Variants in ARK2C observed in about 807,000 individuals in gnomAD.
ARK2C encodes the protein E3 ubiquitin-protein ligase ARK2C.
At chr18:46,360,966 C>T in the ARK2C span, among the ~76,000 whole-genome samples, 3 of 152,212 alleles carry the variant, frequency 2.0e-5, no homozygotes, top group Non-Finnish European at 2.9e-5. Context: ...AAGTGGACGT[C>T]CACAGAACAC....
chr18:46,408,257 G>A, the ARK2C span, among the ~76,000 whole-genome samples: 2 of 152,190 alleles, frequency 1.3e-5, no homozygotes, highest in African/African-American at 4.8e-5. Context: ...AGGTGTCTTA[G>A]GTCTGCTTTA....
chr18:46,355,607 T>C, the ARK2C span, among the ~76,000 whole-genome samples: 2 of 152,200 alleles, frequency 1.3e-5, no homozygotes, highest in African/African-American at 4.8e-5. Context: ...TTCCAGACAC[T>C]TGGGGACCTC....
the ARK2C span, among the ~76,000 whole-genome samples, chr18:46,369,558 G>A: frequency 6.6e-6 from 1 of 152,108 alleles, no homozygotes; most frequent in Non-Finnish European, 1.5e-5. Flanking sequence ...GTTGCTTTAG[G>A]TTTGCAGGGC....
chr18:46,386,103 T>C, the ARK2C span: 1 of 152,192 alleles, frequency 6.6e-6, no homozygotes, highest in East Asian at 1.9e-4. Flanking sequence ...TAGAAGCAAA[T>C]GCCAAGGCCC....
the ARK2C span, among the ~76,000 whole-genome samples, chr18:46,406,289 C>A: frequency 1.3e-5 from 2 of 152,206 alleles, no homozygotes; most frequent in South Asian, 4.1e-4. Flanking sequence ...CTGGATGCCC[C>A]GGGCAGGCGT....
chr18:46,336,770 T>G, the ARK2C span: 1 of 985,368 alleles, frequency 1.0e-6, no homozygotes, highest in Admixed American at 6.1e-5. Flanking sequence ...GCTTAGAGGC[T>G]GCAGCACTTC....
At chr18:46,345,168 C>T in the ARK2C span, among the ~76,000 whole-genome samples, 2 of 151,108 alleles carry the variant, frequency 1.3e-5, no homozygotes, top group Middle Eastern at 3.4e-3. Flanking sequence ...GATAGGGCAG[C>T]AAGGGACAAC....
chr18:46,384,510 A>C, the ARK2C span, among the ~76,000 whole-genome samples: 1 of 152,020 alleles, frequency 6.6e-6, no homozygotes, highest in South Asian at 2.1e-4. Context: ...TTCCTTGAAT[A>C]TTTCTCATGG....
the ARK2C span, chr18:46,460,973 A>T: frequency 1.5e-5 from 2 of 134,634 alleles, no homozygotes; most frequent in South Asian, 4.7e-4. Context: ...CGCTCCTCCC[A>T]CAACCTCAGC....
chr18:46,420,278 A>C, the ARK2C span, among the ~76,000 whole-genome samples: 1 of 152,152 alleles, frequency 6.6e-6, no homozygotes, highest in Non-Finnish European at 1.5e-5. Flanking sequence ...TGGCTTCGGG[A>C]GCCAGGCTTG....
chr18:46,339,403 TG>T, the ARK2C span, among the ~76,000 whole-genome samples: 1 of 152,232 alleles, frequency 6.6e-6, no homozygotes, highest in African/African-American at 2.4e-5. Flanking sequence ...TAGCAAGCTG[TG>T]GGTTAATGGG....
chr18:46,390,263 A>C, the ARK2C span, among the ~76,000 whole-genome samples: 2 of 152,082 alleles, frequency 1.3e-5, no homozygotes, highest in African/African-American at 4.8e-5. Flanking sequence ...AAATCACCCC[A>C]TCTTTCCAGG....
chr18:46,432,932 G>C, the ARK2C span, among the ~76,000 whole-genome samples: 4 of 152,144 alleles, frequency 2.6e-5, no homozygotes, highest in Non-Finnish European at 2.9e-5. Flanking sequence ...GCGACAGAGC[G>C]AGACTCCGTC....
chr18:46,439,177 T>C, the ARK2C span, among the ~76,000 whole-genome samples: 1 of 152,172 alleles, frequency 6.6e-6, no homozygotes, highest in African/African-American at 2.4e-5. Flanking sequence ...GGGCTCATAC[T>C]CTCATGAGCG....
chr18:46,433,322 G>C, the ARK2C span: 10 of 1,612,146 alleles, frequency 6.2e-6, no homozygotes, highest in African/African-American at 9.3e-5. Flanking sequence ...CCAGGCCTCA[G>C]CGCCCACATG....
the ARK2C span, among the ~76,000 whole-genome samples, chr18:46,413,311 G>A: frequency 6.6e-6 from 1 of 151,990 alleles, no homozygotes; most frequent in East Asian, 1.9e-4. Context: ...GACGTCCCAG[G>A]GACCCTGGGA....
the ARK2C span, among the ~76,000 whole-genome samples, chr18:46,425,279 C>T: frequency 6.6e-6 from 1 of 152,196 alleles, no homozygotes; most frequent in Non-Finnish European, 1.5e-5. Context: ...ATCCCACATC[C>T]CTGGAGCAGG....
the ARK2C span, among the ~76,000 whole-genome samples, chr18:46,403,266 G>A: frequency 1.3e-5 from 2 of 152,168 alleles, no homozygotes; most frequent in Non-Finnish European, 2.9e-5. Context: ...GACCTGATAA[G>A]CATGACTTTT....
At chr18:46,339,556 T>C in the ARK2C span, among the ~76,000 whole-genome samples, 1 of 152,206 alleles carries the variant, frequency 6.6e-6, no homozygotes, top group South Asian at 2.1e-4. Context: ...ATTTATTCTC[T>C]CAACCACCTG....
Sources: gnomAD v4.1 joint callset for allele counts (sites outside exome capture counted in the v4.1 genomes callset) on GRCh38, gnomAD v4.1.1 for gene constraint, MANE v1.5 for transcripts, NCBI Gene and HGNC (gene_info 2026-07-23, HGNC 2026-07-21) for gene names.